ADARB2: variants seen among roughly 807,000 people sequenced by gnomAD.
The protein encoded by ADARB2 is inactive double-stranded RNA-specific editase B2.
In ADARB2, 25 loss-of-function variants were observed where a neutral mutation model predicts 62.2. The observed-to-expected ratio is 0.40, with a 90% CI of 0.29 to 0.56. The LOEUF (loss-of-function observed/expected upper bound fraction) is 0.56. ADARB2 is among the 20% of genes least tolerant of loss of function. The pLI is 0.43. For synonymous variants in ADARB2, 572 were observed against 500.8 expected (o/e 1.14, Z -1.90); for missense variants, 1,071 against 1,077.4 (o/e 0.99, Z 0.08).
intron 1 of ADARB2, among the ~76,000 whole-genome samples, chr10:1,553,292 T>C (rs1277555549): frequency 3.3e-5 from 5 of 152,188 alleles, no homozygotes. Flanking sequence ...AATGGCTGAA[T>C]TTTCCCAAGC....
At chr10:1,345,084 G>A (rs1046168417) in intron 3 of ADARB2, among the ~76,000 whole-genome samples, 5 of 151,572 alleles carry the variant, frequency 3.3e-5, no homozygotes, top group South Asian at 4.2e-4. Context: ...GGAGGGAACC[G>A]CCGCAGCCTC....
chr10:1,626,127 G>A (rs11250673), intron 1 of ADARB2, among the ~76,000 whole-genome samples: 103 of 64,424 alleles, frequency 1.6e-3, no homozygotes, highest in South Asian at 3.7e-3. Flanking sequence ...CTAACCCCAC[G>A]TCTGCCCATG....
intron 1 of ADARB2, among the ~76,000 whole-genome samples, chr10:1,579,716 C>T (rs7894920): frequency 0.14 from 21,712 of 152,186 alleles, 1,604 homozygotes; most frequent in South Asian, 0.21. Context: ...AGAGGAAGGA[C>T]GAACTTCTCA....
intron 1 of ADARB2, among the ~76,000 whole-genome samples, chr10:1,639,278 G>C (rs978958528): frequency 7.9e-5 from 12 of 152,242 alleles, no homozygotes; most frequent in African/African-American, 2.9e-4. Context: ...GAGGCTGACT[G>C]CATGGTTCTT....
At chr10:1,292,340 A>G (rs1048288208) in intron 3 of ADARB2, 1 of 152,232 alleles carries the variant, frequency 6.6e-6, no homozygotes, top group African/African-American at 2.4e-5. Context: ...AAAATTTAAA[A>G]GTTGCATATA....
At chr10:1,276,556 G>C (rs1831318994) in intron 3 of ADARB2, among the ~76,000 whole-genome samples, 1 of 152,056 alleles carries the variant, frequency 6.6e-6, no homozygotes, top group Non-Finnish European at 1.5e-5. Flanking sequence ...CTTTAGACAT[G>C]AAGTCCTTGC....
At chr10:1,415,305 G>T (rs1361137012) in intron 1 of ADARB2, among the ~76,000 whole-genome samples, 1 of 151,558 alleles carries the variant, frequency 6.6e-6, no homozygotes, top group Non-Finnish European at 1.5e-5. Flanking sequence ...CGATAGAATG[G>T]GCAGATAAAT....
At chr10:1,591,121 G>A (rs1833246679) in intron 1 of ADARB2, among the ~76,000 whole-genome samples, 1 of 152,228 alleles carries the variant, frequency 6.6e-6, no homozygotes, top group Non-Finnish European at 1.5e-5. Context: ...CTCAGAAGAG[G>A]ATTCCTCAAC....
chr10:1,388,097 T>C (rs558857537), intron 1 of ADARB2, among the ~76,000 whole-genome samples: 1 of 152,078 alleles, frequency 6.6e-6, no homozygotes, highest in Admixed American at 6.5e-5. Context: ...GATAAATAAA[T>C]AGAAAGATAC....
chr10:1,385,422 G>A (rs943132073), intron 1 of ADARB2, among the ~76,000 whole-genome samples: 33 of 151,940 alleles, frequency 2.2e-4, no homozygotes, highest in Middle Eastern at 3.4e-3. Flanking sequence ...AATAGATGGG[G>A]AATCTTGGTA....
chr10:1,418,332 G>C (rs983874401), intron 1 of ADARB2, among the ~76,000 whole-genome samples: 14 of 152,268 alleles, frequency 9.2e-5, no homozygotes, highest in Admixed American at 2.6e-4. Flanking sequence ...AAGATGCAGC[G>C]GGGACCTGCC....
chr10:1,491,728 C>A (rs1443406200), intron 1 of ADARB2, among the ~76,000 whole-genome samples: 1 of 152,132 alleles, frequency 6.6e-6, no homozygotes, highest in Non-Finnish European at 1.5e-5. Context: ...TGCTACCCCT[C>A]AACAAGGCAA....
At chr10:1,724,547 C>T (rs1835138944) in intron 1 of ADARB2, among the ~76,000 whole-genome samples, 1 of 152,204 alleles carries the variant, frequency 6.6e-6, no homozygotes, top group Non-Finnish European at 1.5e-5. Flanking sequence ...GGAGGGCCTG[C>T]CTGTCATCCT....
chr10:1,350,003 T>TCC (rs1425374114), intron 3 of ADARB2, among the ~76,000 whole-genome samples: 1 of 152,074 alleles, frequency 6.6e-6, no homozygotes, highest in Admixed American at 6.6e-5. Context: ...CCTCCATTCC[T>TCC]CCTTCTTCTC....
chr10:1,614,779 C>T lies in ADARB2; in HGVS notation c.100+122272G>A, dbSNP rs374016170. 4.6e-5 allele frequency among the ~76,000 whole-genome samples: 7 copies of T among 152,044 alleles called. No homozygotes were observed. In the East Asian group the frequency reaches 5.8e-4, roughly 13 times the overall value. On this transcript the variant is annotated intron_variant, in intron 1 of 9. Coordinates refer to ENST00000381312, the MANE Select transcript of ADARB2 (RefSeq NM_018702.4). The stretch of plus-strand genomic sequence containing the variant: ...ACAAAAAATTAGCCGGGTGTGGTGG[C>T]GGGCACCTGTAGTCCCAGCTACTCG...
chr10:1,599,268 C>CTA (rs1369654849), intron 1 of ADARB2, among the ~76,000 whole-genome samples: 7 of 152,170 alleles, frequency 4.6e-5, no homozygotes, highest in Admixed American at 4.6e-4. Context: ...TCTCACTGTT[C>CTA]TATGACCAGG....
intron 1 of ADARB2, among the ~76,000 whole-genome samples, chr10:1,563,507 T>A (rs1037150564): frequency 1.3e-5 from 2 of 152,180 alleles, no homozygotes; most frequent in Non-Finnish European, 2.9e-5. Flanking sequence ...AGGCCACTGA[T>A]GAAATTTTGT....
At chr10:1,321,508 C>T (rs12247898) in intron 3 of ADARB2, among the ~76,000 whole-genome samples, 1 of 152,096 alleles carries the variant, frequency 6.6e-6, no homozygotes, top group Non-Finnish European at 1.5e-5. Flanking sequence ...AGCCTCCTGA[C>T]TAGCTGGGAC....
At chr10:1,282,847 T>C (rs1198065285) in intron 3 of ADARB2, among the ~76,000 whole-genome samples, 1 of 152,224 alleles carries the variant, frequency 6.6e-6, no homozygotes, top group African/African-American at 2.4e-5. Context: ...GGCCAAGTTA[T>C]ATTGCATGGT....
Sources: allele counts gnomAD v4.1 joint callset (sites outside exome capture counted in the v4.1 genomes callset), GRCh38; gene constraint gnomAD v4.1.1; transcripts MANE v1.5; gene names NCBI Gene and HGNC (gene_info 2026-07-23, HGNC 2026-07-21).